Variants in CEP83 observed in about 807,000 individuals in gnomAD.
CEP83 encodes centrosomal protein of 83 kDa.
Under a neutral mutation model 101.9 loss-of-function variants are expected in CEP83, and 70 were observed. The observed-to-expected ratio is 0.69, with a 90% CI of 0.57 to 0.84. The LOEUF (loss-of-function observed/expected upper bound fraction) is 0.84, where lower values mean the gene tolerates loss of function less well. Among genes scored for constraint, CEP83 ranks in the 40% least tolerant of loss-of-function variants. CEP83 has a pLI of 0.00. For synonymous variants in CEP83, 264 were observed against 267.9 expected, an observed-to-expected ratio of 0.99 and a Z score of 0.14; for missense variants, 715 against 787.2, an observed-to-expected ratio of 0.91 and a Z score of 1.10.
At chr12:94,417,027 C>T (rs571107557) in intron 2 of CEP83, among the ~76,000 whole-genome samples, 2 of 152,106 alleles carry the variant, frequency 1.3e-5, no homozygotes, top group Non-Finnish European at 2.9e-5. Flanking sequence ...TTAGAAACCT[C>T]GACTTGCTAG....
At position 94,378,908 on chromosome 12, in the gene CEP83, C is replaced by T. The variant is rs1457600330; in HGVS notation, c.684G>A (p.Glu228=). 12 of 1,614,106 alleles carry T rather than the reference C, an allele frequency of 7.4e-6. No individual in the cohort carries two copies. The highest frequency in any genetic ancestry group is 1.0e-5 in the Non-Finnish European group (12 of 1,179,990). The part of the protein sequence containing the change: ...VYLCQKLKGL[E]AEVAELKAEK... ...CAGCCTTTAATTCCGCTACTTCAGC[C>T]TCTAAACCTTTTAATTTTTGACACA... The change falls in exon 7 of 17, where the codon GAG becomes GAA. Residue 228 remains glutamate, a synonymous_variant. Transcript: ENST00000397809.
chr12:94,317,873 G>A (rs570950678), intron 14 of CEP83, among the ~76,000 whole-genome samples: 2 of 151,804 alleles, frequency 1.3e-5, no homozygotes, highest in African/African-American at 4.8e-5. Flanking sequence ...TTTTGTTGTT[G>A]TTGTTTGGCA....
chr12:94,294,461 A>G, the CEP83 span: 1 of 1,089,178 alleles, frequency 9.2e-7, no homozygotes, highest in Non-Finnish European at 1.4e-6. Flanking sequence ...TTGAACACTC[A>G]TATATCTTTT....
At chr12:94,343,146 C>T (rs2059763771) in intron 11 of CEP83, among the ~76,000 whole-genome samples, 1 of 151,188 alleles carries the variant, frequency 6.6e-6, no homozygotes. Context: ...TATAGAACTT[C>T]ATACTCTTAT....
At chr12:94,434,223 G>T (rs967371767) in intron 2 of CEP83, among the ~76,000 whole-genome samples, 1 of 152,084 alleles carries the variant, frequency 6.6e-6, no homozygotes, top group African/African-American at 2.4e-5. Context: ...TCAAGAACAT[G>T]AGCTATTTTA....
chr12:94,298,263 T>C, the CEP83 span, among the ~76,000 whole-genome samples: 1 of 152,210 alleles, frequency 6.6e-6, no homozygotes, highest in African/African-American at 2.4e-5. Flanking sequence ...CAGAGCAGCA[T>C]CACTTGAGCT....
chr12:94,382,874 T>C (rs1431025503), intron 6 of CEP83, among the ~76,000 whole-genome samples: 1 of 152,040 alleles, frequency 6.6e-6, no homozygotes, highest in Non-Finnish European at 1.5e-5. Flanking sequence ...ATAAATGTTA[T>C]TTAGGTTCTG....
chr12:94,310,043 GTCTTCTCTGTATA>G lies in CEP83; in HGVS notation c.1863_1875del (p.Gln623MetfsTer6). The stretch of plus-strand genomic sequence containing the variant: ...AAAATTAGACTTCGAAATTCATTAT[GTCTTCTCTGTATA>G]TCTTTTAGTCTTTTTTGAAGCCTTG... On this transcript the variant is annotated frameshift_variant, in exon 16 of 17. Transcript: ENST00000397809. LOFTEE classifies it high-confidence loss of function. 6.2e-7 allele frequency: 1 copy of G among 1,605,838 alleles called. No homozygotes were observed. The highest frequency in any genetic ancestry group is 8.5e-7 in the Non-Finnish European group (1 of 1,172,854).
chr12:94,456,538 C>T (rs1441852724), intron 1 of CEP83, among the ~76,000 whole-genome samples: 3 of 152,118 alleles, frequency 2.0e-5, no homozygotes, highest in Non-Finnish European at 2.9e-5. Context: ...GCTGGAGAGG[C>T]GTCAGAAAAC....
At chr12:94,299,385 G>C in the CEP83 span, among the ~76,000 whole-genome samples, 1 of 152,098 alleles carries the variant, frequency 6.6e-6, no homozygotes, top group African/African-American at 2.4e-5. Flanking sequence ...ATAAGACTCA[G>C]AGTTATGATG....
rs1218586804 is a variant in CEP83, at chr12:94,310,120, AAG to A, written c.1812-15_1812-14del. On this transcript the variant is annotated splice_polypyrimidine_tract_variant and intron_variant, in intron 15 of 16. Transcript: ENST00000397809. ...AGGAACATTTTGTCTTAAAAAGAAA[AAG>A]AAATGTTTCTTTAACATGGTTATAC... The A allele has an allele frequency of 2.8e-6, 4 of 1,430,016 alleles. No homozygotes were observed. The highest frequency in any genetic ancestry group is 2.3e-5 in the East Asian group (1 of 43,802). 88.6% of individuals were successfully genotyped at this position (1,430,016 alleles called of 1,614,324 possible).
chr12:94,407,430 A>G (rs1296366366), intron 4 of CEP83, among the ~76,000 whole-genome samples: 1 of 152,232 alleles, frequency 6.6e-6, no homozygotes, highest in Non-Finnish European at 1.5e-5. Flanking sequence ...TACCCTGTAG[A>G]GTGATGTAGC....
intron 6 of CEP83, among the ~76,000 whole-genome samples, chr12:94,395,519 A>C (rs1593689166): frequency 6.6e-6 from 1 of 152,124 alleles, no homozygotes; most frequent in African/African-American, 2.4e-5. Context: ...AATTACTTAC[A>C]TACTTAAAGT....
chr12:94,395,754 G>A (rs1050425294), intron 6 of CEP83, among the ~76,000 whole-genome samples: 1 of 152,244 alleles, frequency 6.6e-6, no homozygotes, highest in Admixed American at 6.5e-5. Context: ...CCAGAAGGCA[G>A]AGCTTGCAGT....
At chr12:94,336,453 T>C (rs1295318331) in intron 11 of CEP83, among the ~76,000 whole-genome samples, 2 of 152,232 alleles carry the variant, frequency 1.3e-5, no homozygotes, top group African/African-American at 4.8e-5. Flanking sequence ...ATGTCTTATC[T>C]GCCCAAGTAG....
At position 94,310,110 on chromosome 12, in the gene CEP83, T is replaced by C; in HGVS notation, c.1812-3A>G. ...AGTCTTCAAAAGGAACATTTTGTCTTAAAAAGAAAAAGAAATGTTTCTTTA... is the reference window on the plus strand; with the variant it reads ...AGTCTTCAAAAGGAACATTTTGTCTCAAAAAGAAAAAGAAATGTTTCTTTA... On this transcript the variant is annotated splice_region_variant and splice_polypyrimidine_tract_variant and intron_variant, in intron 15 of 16. Transcript: ENST00000397809. The C allele has an allele frequency of 6.7e-7, 1 of 1,490,002 alleles. No homozygotes were observed. The highest frequency in any genetic ancestry group is 9.2e-7 in the Non-Finnish European group (1 of 1,084,210). 92.3% of individuals were successfully genotyped at this position (1,490,002 alleles called of 1,614,324 possible). A position where few individuals can be genotyped will look rare whatever the true frequency, so the allele number is the denominator to read the frequency against.
intron 1 of CEP83, among the ~76,000 whole-genome samples, chr12:94,439,268 C>T (rs1594073193): frequency 6.6e-6 from 1 of 151,932 alleles, no homozygotes; most frequent in Non-Finnish European, 1.5e-5. Flanking sequence ...AAGACAAAAT[C>T]GACAGACCAT....
chr12:94,335,959 T>C, intron 11 of CEP83: 1 of 265,352 alleles, frequency 3.8e-6, no homozygotes, highest in South Asian at 7.6e-5. Context: ...AGGATTTTGA[T>C]ATACATAAAC....
At chr12:94,296,159 C>T in the CEP83 span, among the ~76,000 whole-genome samples, 4 of 151,968 alleles carry the variant, frequency 2.6e-5, no homozygotes, top group African/African-American at 4.8e-5. Context: ...AAGATGTGCT[C>T]GTCTCTCTCA....
Sources: gnomAD v4.1 joint callset for allele counts (sites outside exome capture counted in the v4.1 genomes callset) on GRCh38, gnomAD v4.1.1 for gene constraint, MANE v1.5 for transcripts, NCBI Gene and HGNC (gene_info 2026-07-23, HGNC 2026-07-21) for gene names.